TAS2R1: variants seen among roughly 807,000 people sequenced by gnomAD.
The protein encoded by TAS2R1 is taste receptor type 2 member 1.
For synonymous variants in TAS2R1, 141 were observed against 134.2 expected, an observed-to-expected ratio of 1.05 and a Z score of -0.35; for missense variants, 370 against 353.4, an observed-to-expected ratio of 1.05 and a Z score of -0.38.
chr5:9,784,952 A>T, the TAS2R1 span, among the ~76,000 whole-genome samples: 1 of 152,224 alleles, frequency 6.6e-6, no homozygotes, highest in African/African-American at 2.4e-5. Context: ...CCTGGGGGTT[A>T]GGACTTCAAC....
the TAS2R1 span, among the ~76,000 whole-genome samples, chr5:9,805,065 A>G: frequency 2.0e-5 from 3 of 152,072 alleles, no homozygotes; most frequent in Admixed American, 1.3e-4. Context: ...GGGAGATATT[A>G]GAACCGATAC....
intron 1 of TAS2R1, among the ~76,000 whole-genome samples, chr5:9,691,004 G>A (rs76804553): frequency 0.032 from 4,804 of 152,284 alleles, 97 homozygotes; most frequent in African/African-American, 0.058. Context: ...GGAGATAAAC[G>A]TGGGCGTCTC....
At chr5:9,792,271 AT>A in the TAS2R1 span, among the ~76,000 whole-genome samples, 1 of 152,194 alleles carries the variant, frequency 6.6e-6, no homozygotes, top group South Asian at 2.1e-4. Flanking sequence ...GAACATTCAC[AT>A]TCACATATAG....
At chr5:9,831,423 T>C in the TAS2R1 span, among the ~76,000 whole-genome samples, 1 of 152,304 alleles carries the variant, frequency 6.6e-6, no homozygotes, top group East Asian at 1.9e-4. Flanking sequence ...TTTAGAAGTG[T>C]TTGTTTTATT....
At chr5:9,824,647 G>C in the TAS2R1 span, among the ~76,000 whole-genome samples, 60 of 152,200 alleles carry the variant, frequency 3.9e-4, 2 homozygotes, top group South Asian at 0.012. Context: ...AGGAGTTTGA[G>C]ACCAGCCTGG....
At chr5:9,742,761 G>C in the TAS2R1 span, among the ~76,000 whole-genome samples, 1 of 152,120 alleles carries the variant, frequency 6.6e-6, no homozygotes, top group Admixed American at 6.5e-5. Context: ...TCATGAGTTA[G>C]GTAGGGCTTG....
chr5:9,847,453 C>T, the TAS2R1 span, among the ~76,000 whole-genome samples: 23 of 152,308 alleles, frequency 1.5e-4, no homozygotes, highest in Admixed American at 8.5e-4. Context: ...GACCATCTGT[C>T]TTAAGTCAGT....
the TAS2R1 span, chr5:9,862,937 TC>T: frequency 6.6e-6 from 1 of 152,194 alleles, no homozygotes; most frequent in African/African-American, 2.4e-5. Flanking sequence ...TAAAACCACA[TC>T]ATCTTTTAAT....
chr5:9,719,960 CCTCTATGCTATTTTCT>C, the TAS2R1 span, among the ~76,000 whole-genome samples: 1 of 151,214 alleles, frequency 6.6e-6, no homozygotes, highest in Non-Finnish European at 1.5e-5. Context: ...ACAAACTACC[CCTCTATGCTATTTTCT>C]TTTCTTGCCT....
chr5:9,788,515 G>A, the TAS2R1 span, among the ~76,000 whole-genome samples: 2 of 152,136 alleles, frequency 1.3e-5, no homozygotes, highest in African/African-American at 4.8e-5. Context: ...AAACCCGTGA[G>A]AGCTAATTCC....
the TAS2R1 span, among the ~76,000 whole-genome samples, chr5:9,719,353 C>T: frequency 1.3e-5 from 2 of 152,138 alleles, no homozygotes; most frequent in Non-Finnish European, 1.5e-5. Context: ...GTTCTTTGTA[C>T]TATTTTTGGT....
At chr5:9,655,222 A>G (rs1740385037) in intron 2 of TAS2R1, among the ~76,000 whole-genome samples, 2 of 152,328 alleles carry the variant, frequency 1.3e-5, no homozygotes, top group South Asian at 2.1e-4. Context: ...CTACATTTTG[A>G]TTGTAATCAT....
the TAS2R1 span, among the ~76,000 whole-genome samples, chr5:9,860,142 C>T: frequency 6.6e-6 from 1 of 152,140 alleles, no homozygotes; most frequent in Admixed American, 6.5e-5. Context: ...AGAAGAAATG[C>T]ATAAAGAAGA....
upstream of TAS2R1, among the ~76,000 whole-genome samples, chr5:9,631,194 G>A (rs997262036): frequency 5.3e-5 from 8 of 152,138 alleles, no homozygotes; most frequent in African/African-American, 1.9e-4. Flanking sequence ...GTTATCCCAA[G>A]ACTAAAGGCA....
At chr5:9,746,336 A>G in the TAS2R1 span, among the ~76,000 whole-genome samples, 6 of 152,252 alleles carry the variant, frequency 3.9e-5, no homozygotes, top group Admixed American at 2.0e-4. Context: ...AATTAGTTCA[A>G]CCATTGTGGA....
the TAS2R1 span, among the ~76,000 whole-genome samples, chr5:9,733,495 G>T: frequency 2.0e-5 from 3 of 152,234 alleles, no homozygotes; most frequent in Non-Finnish European, 4.4e-5. Flanking sequence ...TAATGGGTCT[G>T]AAACCAGTGG....
chr5:9,723,361 G>T, the TAS2R1 span, among the ~76,000 whole-genome samples: 2 of 152,114 alleles, frequency 1.3e-5, no homozygotes, highest in African/African-American at 2.4e-5. Context: ...GGACTGCGGG[G>T]CAAAAGCTTA....
the TAS2R1 span, among the ~76,000 whole-genome samples, chr5:9,899,594 G>A: frequency 0.024 from 3,497 of 148,776 alleles, 142 homozygotes; most frequent in African/African-American, 0.078. Context: ...CCCAGATCGC[G>A]CCACTGCACT....
chr5:9,692,857 C>A (rs2126519067), intron 1 of TAS2R1, among the ~76,000 whole-genome samples: 1 of 152,234 alleles, frequency 6.6e-6, no homozygotes, highest in East Asian at 1.9e-4. Context: ...TCCCTCAACC[C>A]TGATTTCCTC....
Sources: allele counts gnomAD v4.1 joint callset (sites outside exome capture counted in the v4.1 genomes callset), GRCh38; gene constraint gnomAD v4.1.1; transcripts MANE v1.5; gene names NCBI Gene and HGNC (gene_info 2026-07-23, HGNC 2026-07-21).